USO1: variants seen among roughly 807,000 people sequenced by gnomAD.
The protein encoded by USO1 is general vesicular transport factor p115.
USO1 carries 57 observed loss-of-function variants against 124.5 expected under a neutral mutation model. The ratio of observed to expected loss-of-function variants is 0.46; its 90% confidence interval spans 0.37 to 0.57. The LOEUF (loss-of-function observed/expected upper bound fraction) is 0.57. USO1 is among the 20% of genes least tolerant of loss of function. The pLI, the probability that USO1 is intolerant of heterozygous loss-of-function variation, is 0.00. For missense variants in USO1, 900 were observed against 1,040.6 expected, an observed-to-expected ratio of 0.86 and a Z score of 1.86; for synonymous variants, 369 against 362.8, an observed-to-expected ratio of 1.02 and a Z score of -0.19.
intron 22 of USO1, 31 bp from the exon 23 acceptor site, chr4:75,812,129 A>G: frequency 1.9e-6 from 3 of 1,564,982 alleles, no homozygotes; most frequent in Non-Finnish European, 1.7e-6. Context: ...TGCTAATTTT[A>G]GATTCCTGCC....
chr4:75,812,267 G>A lies in USO1; in HGVS notation c.2691G>A (p.Leu897=). ...ILQTEKDKLE[L]EITDSKKEQD... is the part of the protein sequence containing the mutation. ...AAACTGAGAAAGACAAACTAGAGTT[G>A]GAAATTACAGATTCTAAAAAAGAAC... The change falls in exon 23 of 24, where the codon TTG becomes TTA. Residue 897 remains leucine (L), a synonymous_variant. Transcript: ENST00000514213. The A allele has an allele frequency of 1.2e-6, 2 of 1,608,522 alleles. No homozygotes were observed. The highest frequency in any genetic ancestry group is 1.7e-6 in the Non-Finnish European group (2 of 1,177,358).
At chr4:75,810,932 C>T (rs1177078187) in intron 22 of USO1, among the ~76,000 whole-genome samples, 2 of 151,818 alleles carry the variant, frequency 1.3e-5, no homozygotes, top group African/African-American at 4.8e-5. Context: ...GGTTTCACCA[C>T]GTTGGCCAGG....
intron 4 of USO1, among the ~76,000 whole-genome samples, chr4:75,763,143 C>T (rs536328220): frequency 6.6e-6 from 1 of 152,248 alleles, no homozygotes; most frequent in South Asian, 2.1e-4. Context: ...ATTGTTTACA[C>T]CTCTGGAAAA....
intron 1 of USO1, among the ~76,000 whole-genome samples, chr4:75,726,495 A>G (rs1384086334): frequency 6.6e-6 from 1 of 151,486 alleles, no homozygotes; most frequent in Non-Finnish European, 1.5e-5. Flanking sequence ...AGCTAAGGGG[A>G]TGCTAAGCCA....
In USO1 at chr4:75,813,395, G is replaced by T; in HGVS notation, c.*100G>T. 7.7e-7 allele frequency: 1 copy of T among 1,292,952 alleles called. No individual in the cohort carries two copies. The highest frequency in any genetic ancestry group is 1.5e-5 in the African/African-American group (1 of 65,808). 80.1% of individuals were successfully genotyped at this position (1,292,952 alleles called of 1,614,324 possible). A position where few individuals can be genotyped will look rare whatever the true frequency, so the allele number is the denominator to read the frequency against. On this transcript the variant is annotated 3_prime_UTR_variant, in exon 24 of 24. Coordinates refer to ENST00000514213, the MANE Select transcript of USO1 (RefSeq NM_003715.4). ...TGGAAAATAAAGATTTAGAAACCAG[G>T]TGGAAAACATTCACTATTAAGACTA...
intron 23 of USO1, among the ~76,000 whole-genome samples, 198 bp from the exon 24 acceptor site, chr4:75,813,008 G>T (rs926329814): frequency 1.3e-5 from 2 of 152,014 alleles, no homozygotes; most frequent in Non-Finnish European, 2.9e-5. Context: ...AGCTACTCGG[G>T]AGGCTGAGAC....
chr4:75,812,882 G>A (rs191960355), intron 23 of USO1, among the ~76,000 whole-genome samples: 41 of 152,182 alleles, frequency 2.7e-4, no homozygotes, highest in African/African-American at 9.1e-4. Context: ...GGGCTGAGGT[G>A]GGCAGATTAC....
In USO1 at chr4:75,770,510, A is replaced by G. The variant is rs369687267; in HGVS notation, c.367A>G (p.Asn123Asp). Reference protein sequence around the residue: ...FTEIFIKQQENVTLLLSLLEE... With the variant: ...FTEIFIKQQEDVTLLLSLLEE... ...AGAAATTTTCATTAAGCAGCAGGAA[A>G]ATGTCACTCTTCTGTTATCTTTATT... Residue 123 changes from asparagine to aspartate, a missense_variant, in exon 5 of 24, where the codon AAT becomes GAT. This residue lies in a region of USO1 where 538 missense variants were observed against 681.6 expected (regional missense o/e 0.79). Coordinates refer to ENST00000514213, the MANE Select transcript of USO1 (RefSeq NM_003715.4). 4.4e-6 allele frequency: 7 copies of G among 1,594,204 alleles called. No individual in the cohort carries two copies. Among genetic ancestry groups the G allele is most frequent in the Admixed American group, 1.7e-5 (1 of 57,740 alleles).
At chr4:75,795,434 G>T in intron 13 of USO1, 6 of 667,444 alleles carry the variant, frequency 9.0e-6, no homozygotes, top group African/African-American at 1.8e-5. Flanking sequence ...TTGCTGATTG[G>T]TTTTTTTTTA....
At chr4:75,731,171 ATC>A (rs1260171546) in intron 1 of USO1, among the ~76,000 whole-genome samples, 5 of 152,194 alleles carry the variant, frequency 3.3e-5, no homozygotes, top group Non-Finnish European at 5.9e-5. Flanking sequence ...ATGTTCCCAC[ATC>A]TCTTTTTATA....
chr4:75,752,274 T>C (rs1281284445), intron 1 of USO1, 99 bp from the exon 2 acceptor site: 1 of 396,050 alleles, frequency 2.5e-6, no homozygotes, highest in African/African-American at 2.1e-5. Flanking sequence ...TTACATCCCA[T>C]GTGCTGATTT....
chr4:75,724,677 A>G lies in USO1; in HGVS notation c.-143A>G. 2 of 762,242 alleles carry G rather than the reference A, an allele frequency of 2.6e-6. No homozygotes were observed. The highest frequency in any genetic ancestry group is 4.2e-6 in the Non-Finnish European group (2 of 472,972). 47.2% of individuals were successfully genotyped at this position (762,242 alleles called of 1,614,324 possible). On this transcript the variant is annotated 5_prime_UTR_variant, in exon 1 of 24. Coordinates refer to ENST00000514213, the MANE Select transcript of USO1 (RefSeq NM_003715.4). Reference sequence around the variant, plus strand: ...GCTGTTTCCGGGCTTAGAGGGCTGGAGTGGCCGCCGAGTTGGAGGCGGTGG... The same window carrying G: ...GCTGTTTCCGGGCTTAGAGGGCTGGGGTGGCCGCCGAGTTGGAGGCGGTGG...
At chr4:75,766,930 T>G (rs543910604) in intron 4 of USO1, among the ~76,000 whole-genome samples, 4 of 152,234 alleles carry the variant, frequency 2.6e-5, no homozygotes, top group Non-Finnish European at 5.9e-5. Flanking sequence ...TGTAAATGAA[T>G]GGAAATTACC....
chr4:75,757,393 C>T, intron 3 of USO1, 104 bp from the exon 4 acceptor site: 1 of 1,048,994 alleles, frequency 9.5e-7, no homozygotes, highest in Non-Finnish European at 1.3e-6. Context: ...TTAGAGTATG[C>T]CTTTAGAAAT....
intron 1 of USO1, among the ~76,000 whole-genome samples, chr4:75,732,407 T>C (rs1420018363): frequency 6.6e-6 from 1 of 152,214 alleles, no homozygotes; most frequent in Non-Finnish European, 1.5e-5. Context: ...TCCAGTCCAC[T>C]ATTGATGGAC....
At chr4:75,727,409 A>G (rs1720496288) in intron 1 of USO1, among the ~76,000 whole-genome samples, 1 of 152,204 alleles carries the variant, frequency 6.6e-6, no homozygotes, top group Non-Finnish European at 1.5e-5. Flanking sequence ...TAAAATTGGA[A>G]AAGTAATTTG....
intron 17 of USO1, among the ~76,000 whole-genome samples, chr4:75,802,736 C>CTTTTTTTTTTT (rs997798305): frequency 0.01 from 661 of 63,648 alleles, no homozygotes; most frequent in African/African-American, 0.012. Flanking sequence ...TTTTTCTTTT[C>CTTTTTTTTTTT]TTTTTTTTTT....
In USO1 at chr4:75,724,747, C is replaced by A; in HGVS notation, c.-73C>A. 1 of 1,532,306 alleles carries A rather than the reference C, an allele frequency of 6.5e-7. No individual in the cohort carries two copies. Among genetic ancestry groups the A allele is most frequent in the Non-Finnish European group, 9.0e-7 (1 of 1,115,728 alleles). 94.9% of individuals were successfully genotyped at this position (1,532,306 alleles called of 1,614,324 possible). ...TAGAGTGCGGGATTGGGGCCCAGGC[C>A]CTGCGGAGGGCGGGGGAAGTTGTCT... On this transcript the variant is annotated 5_prime_UTR_variant, in exon 1 of 24. Coordinates refer to ENST00000514213, the MANE Select transcript of USO1 (RefSeq NM_003715.4).
Position 75,782,737 on chromosome 4 carries a change from C to G in USO1, c.734C>G (p.Ser245Cys). 1 of 1,581,768 alleles carries G rather than the reference C, an allele frequency of 6.3e-7. No homozygotes were observed. Among genetic ancestry groups the G allele is most frequent in the Non-Finnish European group, 8.6e-7 (1 of 1,163,944 alleles). ...CAAAACTTATTAAAAAACAACAACT[C>G]CAATCAAAATTTTTTTAAAGAAGGC... ...LLQNLLKNNN[S>C]NQNFFKEGSY... is the part of the protein sequence containing the mutation. The change falls in exon 9 of 24, where the codon TCC becomes TGC. Residue 245 changes from serine to cysteine, a missense_variant. Ser to Cys is a moderately radical substitution (Grantham distance 112). This residue lies in a region of USO1 where 538 missense variants were observed against 681.6 expected (regional missense o/e 0.79). Coordinates refer to ENST00000514213, the MANE Select transcript of USO1 (RefSeq NM_003715.4).
Sources: gnomAD v4.1 joint callset for allele counts (sites outside exome capture counted in the v4.1 genomes callset) on GRCh38, gnomAD v4.1.1 for gene constraint, gnomAD v4.1.1 regional missense constraint, MANE v1.5 for transcripts, NCBI Gene and HGNC (gene_info 2026-07-23, HGNC 2026-07-21) for gene names.